The following ZNF423 variants were observed in gnomAD, a reference collection of about 807,000 sequenced individuals.
The protein encoded by ZNF423 is zinc finger protein 423.
ZNF423 carries 12 observed loss-of-function variants against 95.8 expected under a neutral mutation model. That is an observed-to-expected ratio of 0.13 (90% confidence interval 0.08 to 0.20). The LOEUF (loss-of-function observed/expected upper bound fraction) is 0.20. Among genes scored for constraint, ZNF423 ranks in the 10% least tolerant of loss-of-function variants. ZNF423 has a pLI of 1.00. For synonymous variants in ZNF423, 749 were observed against 711.9 expected (o/e 1.05, Z -0.83); for missense variants, 1,316 against 1,737.1 (o/e 0.76, Z 4.31).
At chr16:49,495,273 C>G (rs911668222) in intron 7 of ZNF423, among the ~76,000 whole-genome samples, 2 of 152,176 alleles carry the variant, frequency 1.3e-5, no homozygotes, top group African/African-American at 4.8e-5. Context: ...CTGGTACAGC[C>G]TGTTTTGGGG....
chr16:49,638,085 C>A lies in ZNF423; in HGVS notation c.1091G>T (p.Ser364Ile). Residue 364 changes from serine (S) to isoleucine (I), a missense_variant, in exon 4 of 8, where the codon AGT (serine) becomes ATT (isoleucine). By Grantham distance (142) the Ser-to-Ile change is moderately radical (BLOSUM62 -2). Transcript: ENST00000563137. The surrounding 1 kb of genome is among the most constrained non-coding windows in gnomAD (Gnocchi z 5.6). ...RQPDSSNHSV[S>I]PDPVLGSVAS... ...CACGCTGCCCAGTACAGGGTCGGGACTGACACTGTGGTTGCTGGAGTCGGG... is the reference window on the plus strand; with the variant it reads ...CACGCTGCCCAGTACAGGGTCGGGAATGACACTGTGGTTGCTGGAGTCGGG... 1 of 1,613,858 alleles carries A rather than the reference C, an allele frequency of 6.2e-7. No homozygotes were observed. Among genetic ancestry groups the A allele is most frequent in the Non-Finnish European group, 8.5e-7 (1 of 1,179,970 alleles).
At position 49,641,342 on chromosome 16, in the gene ZNF423, C is replaced by T. The variant is rs113861601; in HGVS notation, c.302-2468G>A. The stretch of plus-strand genomic sequence containing the variant: ...CGTGGGTAAGAAGGGGAGAGGCCCA[C>T]GTGTAAAGCCTCCAGGGTCCTCAGG... On this transcript the variant is annotated intron_variant, in intron 3 of 7. Coordinates refer to ENST00000563137, the MANE Select transcript of ZNF423 (RefSeq NM_001379286.1). Among the ~76,000 whole-genome samples the T allele has an allele frequency of 6.6e-3, 1,008 of 152,264 alleles. 12 individuals are homozygous for T. Among genetic ancestry groups the T allele is most frequent in the African/African-American group, 0.022 (905 of 41,550 alleles).
intron 3 of ZNF423, among the ~76,000 whole-genome samples, chr16:49,663,086 C>T (rs547473187): frequency 1.3e-5 from 2 of 152,282 alleles, no homozygotes; most frequent in East Asian, 3.9e-4. Flanking sequence ...CCAGAGTCCT[C>T]CCGAGTCTGC....
intron 3 of ZNF423, among the ~76,000 whole-genome samples, chr16:49,668,345 G>C (rs1446796816): frequency 6.6e-6 from 1 of 152,192 alleles, no homozygotes; most frequent in Non-Finnish European, 1.5e-5. Context: ...CAACTCAGAG[G>C]CTGACTCTGC....
At chr16:49,617,553 G>A (rs549553337) in intron 5 of ZNF423, among the ~76,000 whole-genome samples, 6 of 152,168 alleles carry the variant, frequency 3.9e-5, no homozygotes, top group Non-Finnish European at 8.8e-5. Flanking sequence ...TCCAGTGCCA[G>A]CCCCTCCAGG....
At chr16:49,648,790 C>G (rs1378211756) in intron 3 of ZNF423, among the ~76,000 whole-genome samples, 2 of 152,136 alleles carry the variant, frequency 1.3e-5, no homozygotes, top group Non-Finnish European at 2.9e-5. Context: ...ATTGAGTATT[C>G]AGTCACAACA....
At chr16:49,596,181 A>G (rs1485173778) in intron 5 of ZNF423, among the ~76,000 whole-genome samples, 1 of 152,200 alleles carries the variant, frequency 6.6e-6, no homozygotes, top group African/African-American at 2.4e-5. Context: ...GGAAAAAAAA[A>G]TGTTCTTCTT....
intron 5 of ZNF423, 37 bp from the exon 6 acceptor site, chr16:49,525,531 T>G: frequency 6.2e-7 from 1 of 1,612,630 alleles, no homozygotes; most frequent in Non-Finnish European, 8.5e-7. Context: ...GTGACCAGCA[T>G]GCCATGTCCC....
intron 5 of ZNF423, 125 bp downstream of exon 5, chr16:49,626,045 T>G (rs1972252552): frequency 4.5e-6 from 4 of 890,790 alleles, no homozygotes; most frequent in Non-Finnish European, 7.2e-6. Flanking sequence ...CCATGTGCAA[T>G]GTCTCAGAAA....
At chr16:49,846,181 A>G (rs1811995135) in intron 1 of ZNF423, among the ~76,000 whole-genome samples, 1 of 151,946 alleles carries the variant, frequency 6.6e-6, no homozygotes, top group South Asian at 2.1e-4. Context: ...ACATGCCTGT[A>G]ATCCCAGCTA....
intron 5 of ZNF423, among the ~76,000 whole-genome samples, chr16:49,583,412 G>C (rs1461009649): frequency 6.6e-6 from 1 of 152,158 alleles, no homozygotes; most frequent in African/African-American, 2.4e-5. Flanking sequence ...AGTCATGATG[G>C]CAGCATCATT....
chr16:49,680,688 C>T (rs527670634), intron 3 of ZNF423, among the ~76,000 whole-genome samples: 31 of 152,344 alleles, frequency 2.0e-4, no homozygotes, highest in African/African-American at 6.7e-4. Flanking sequence ...CTGCCCGCCC[C>T]ACCACAGCAG....
chr16:49,602,681 C>A (rs970560833), intron 5 of ZNF423, among the ~76,000 whole-genome samples: 12 of 152,144 alleles, frequency 7.9e-5, no homozygotes, highest in African/African-American at 2.9e-4. Context: ...AGCAGCCATG[C>A]GTTTCCAGCA....
chr16:49,528,203 A>G (rs1261516991), intron 5 of ZNF423, among the ~76,000 whole-genome samples: 1 of 152,112 alleles, frequency 6.6e-6, no homozygotes, highest in Non-Finnish European at 1.5e-5. Flanking sequence ...CGAGAGGACA[A>G]AGAAGCCTCC....
intron 2 of ZNF423, among the ~76,000 whole-genome samples, chr16:49,758,061 C>T (rs764881538): frequency 2.0e-5 from 3 of 152,182 alleles, no homozygotes; most frequent in African/African-American, 7.2e-5. Context: ...CTTCCTGCCT[C>T]GCCTTCACCT....
intron 3 of ZNF423, among the ~76,000 whole-genome samples, chr16:49,677,735 AAG>A (rs1354388890): frequency 6.6e-6 from 1 of 150,662 alleles, no homozygotes; most frequent in Non-Finnish European, 1.5e-5. Flanking sequence ...GCCTGGATAA[AAG>A]AGCAAGACCC....
In ZNF423 at chr16:49,568,928, T is replaced by A. The variant is rs779444920; in HGVS notation, c.3602-43434A>T. 3.5e-4 allele frequency among the ~76,000 whole-genome samples: 53 copies of A among 152,078 alleles called. 1 individual carries two copies. Among genetic ancestry groups the A allele is most frequent in the Middle Eastern group, 3.2e-3 (1 of 316 alleles). On this transcript the variant is annotated intron_variant, in intron 5 of 7. Coordinates refer to ENST00000563137, the MANE Select transcript of ZNF423 (RefSeq NM_001379286.1). ...CCAGGGCCTTCCCACCGCCAGACCT[T>A]TAACTCTTCATGTCTCTACTGTGTG...
Position 49,492,339 on chromosome 16 carries a change from G to A in ZNF423, c.3850-1035C>T, listed in dbSNP as rs529707202. The stretch of plus-strand genomic sequence containing the variant: ...TCCCCGGGAGAGGCTCCTTCTGGGC[G>A]CCCCCCAGGGCCCGGCGACTCCTGC... On this transcript the variant is annotated intron_variant, in intron 7 of 7. Transcript: ENST00000563137. This position sits in a 1 kb window ranked among gnomAD's most constrained non-coding sequence, Gnocchi z 4.2. Among the ~76,000 whole-genome samples, 1 of 152,266 alleles carries A rather than the reference G, an allele frequency of 6.6e-6. No homozygotes were observed. Among genetic ancestry groups the A allele is most frequent in the South Asian group, 2.1e-4 (1 of 4,826 alleles).
At chr16:49,648,859 G>C (rs536459405) in intron 3 of ZNF423, among the ~76,000 whole-genome samples, 2 of 152,140 alleles carry the variant, frequency 1.3e-5, no homozygotes, top group African/African-American at 4.8e-5. Context: ...AAATTAGAGA[G>C]CATCTAGGAA....
Sources: gnomAD v4.1 joint callset for allele counts (sites outside exome capture counted in the v4.1 genomes callset) on GRCh38, gnomAD v4.1.1 for gene constraint, Gnocchi (gnomAD v3.1) non-coding constraint, MANE v1.5 for transcripts, NCBI Gene and HGNC (gene_info 2026-07-23, HGNC 2026-07-21) for gene names.